The following KPNA1 variants were observed in gnomAD, a reference collection of about 807,000 sequenced individuals.
The protein encoded by KPNA1 is importin subunit alpha-5.
In KPNA1, 10 loss-of-function variants were observed where a neutral mutation model predicts 70.5. The ratio of observed to expected loss-of-function variants is 0.14; its 90% CI spans 0.09 to 0.24. The LOEUF is 0.24. Among genes scored for constraint, KPNA1 ranks in the 10% least tolerant of loss-of-function variants. The pLI is 1.00. For missense variants in KPNA1, 397 were observed against 637.9 expected, an observed-to-expected ratio of 0.62 and a Z score of 4.07; for synonymous variants, 192 against 221.9, an observed-to-expected ratio of 0.87 and a Z score of 1.20.
intron 5 of KPNA1, chr3:122,460,281 ATAG>A (rs2076309315): frequency 9.1e-6 from 9 of 984,708 alleles, no homozygotes; most frequent in South Asian, 4.7e-5. Flanking sequence ...GGGAAAAAAA[ATAG>A]TAGTTTAGAA....
intron 9 of KPNA1, among the ~76,000 whole-genome samples, chr3:122,448,173 T>C (rs906375475): frequency 6.6e-6 from 1 of 152,192 alleles, no homozygotes; most frequent in Non-Finnish European, 1.5e-5. Context: ...AGTTCAACCA[T>C]TGTGGAAGAC....
chr3:122,452,500 CGGAAGGAGGGAAGGAG>C (rs1165575071), intron 6 of KPNA1, among the ~76,000 whole-genome samples: 34 of 86,238 alleles, frequency 3.9e-4, no homozygotes, highest in South Asian at 9.3e-4. Context: ...CAGGGACAGA[CGGAAGGAGGGAAGGAG>C]GGAAGGAGGG....
intron 2 of KPNA1, 80 bp from the exon 3 acceptor site, chr3:122,467,509 A>G (rs2076394867): frequency 4.0e-6 from 3 of 745,138 alleles, no homozygotes; most frequent in Non-Finnish European, 6.6e-6. Context: ...TAGGCACCCC[A>G]TTCAAAGTGA....
chr3:122,430,719 G>C (rs2075893502), intron 12 of KPNA1, among the ~76,000 whole-genome samples: 1 of 152,152 alleles, frequency 6.6e-6, no homozygotes. Flanking sequence ...TAACAGAATA[G>C]CAAAGGCAAT....
chr3:122,452,149 G>T, intron 6 of KPNA1, 85 bp from the exon 7 acceptor site: 1 of 843,576 alleles, frequency 1.2e-6, no homozygotes, highest in South Asian at 1.4e-5. Flanking sequence ...ACAATAACAC[G>T]TTCATCAGGG....
intron 2 of KPNA1, among the ~76,000 whole-genome samples, chr3:122,487,822 G>C (rs1300143867): frequency 6.6e-6 from 1 of 152,150 alleles, no homozygotes; most frequent in Non-Finnish European, 1.5e-5. Flanking sequence ...AAAAGTTCTA[G>C]ATATATGTTA....
intron 11 of KPNA1, among the ~76,000 whole-genome samples, chr3:122,434,386 T>G (rs573841917): frequency 6.6e-6 from 1 of 152,354 alleles, no homozygotes; most frequent in Non-Finnish European, 1.5e-5. Flanking sequence ...GAGCTCAATT[T>G]TCTGCTCCTC....
chr3:122,461,894 A>G (rs1344622600), intron 4 of KPNA1, among the ~76,000 whole-genome samples: 1 of 152,240 alleles, frequency 6.6e-6, no homozygotes, highest in East Asian at 1.9e-4. Context: ...GGGAAATGTC[A>G]TAGACAATCA....
At chr3:122,460,969 T>C (rs1209162150) in intron 5 of KPNA1, among the ~76,000 whole-genome samples, 1 of 152,154 alleles carries the variant, frequency 6.6e-6, no homozygotes, top group Non-Finnish European at 1.5e-5. Flanking sequence ...GCTGTAAACA[T>C]TTCCCTATTA....
chr3:122,479,716 T>A (rs922263909), intron 2 of KPNA1, among the ~76,000 whole-genome samples: 1 of 152,108 alleles, frequency 6.6e-6, no homozygotes, highest in African/African-American at 2.4e-5. Context: ...ACCGAAATCA[T>A]GCCACTGCAC....
intron 1 of KPNA1, among the ~76,000 whole-genome samples, chr3:122,498,618 C>G (rs1030342413): frequency 1.3e-5 from 2 of 152,130 alleles, no homozygotes; most frequent in African/African-American, 4.8e-5. Context: ...ATATGTGTAT[C>G]CCTGTGTCAG....
intron 2 of KPNA1, among the ~76,000 whole-genome samples, chr3:122,470,180 A>G (rs1265586840): frequency 1.3e-5 from 2 of 152,210 alleles, no homozygotes; most frequent in Admixed American, 6.5e-5. Context: ...TATGTAAGCT[A>G]ATGTGTATAT....
rs529315953 is a variant in KPNA1 at position 122,428,228 on chromosome 3, C to T, written c.1251-512G>A. ...CTTTAATTCAAGCAGAATGTATAACCGTATGTAATCAAGATTAATCATACT... is the reference window on the plus strand; with the variant it reads ...CTTTAATTCAAGCAGAATGTATAACTGTATGTAATCAAGATTAATCATACT... On this transcript the variant is annotated intron_variant, in intron 12 of 13. Coordinates refer to ENST00000344337, the MANE Select transcript of KPNA1 (RefSeq NM_002264.4). Among the ~76,000 whole-genome samples the T allele has an allele frequency of 6.3e-4, 96 of 152,156 alleles. 1 individual carries two copies. In the South Asian group the frequency reaches 0.019, roughly 31 times the overall value.
At chr3:122,465,323 T>C (rs2076368470) in intron 3 of KPNA1, among the ~76,000 whole-genome samples, 1 of 152,210 alleles carries the variant, frequency 6.6e-6, no homozygotes, top group South Asian at 2.1e-4. Flanking sequence ...CTACCAAACT[T>C]CATTGCCTAG....
rs1576316173 is a variant in KPNA1 at position 122,468,838 on chromosome 3, C to T, written c.130-1409G>A. On this transcript the variant is annotated intron_variant, in intron 2 of 13. Transcript: ENST00000344337. ...TGCCTTTGATCGACTTTTTAGTAAA[C>T]AAGACACAGCTAAGGAAATAATCTC... Among the ~76,000 whole-genome samples, 4 of 152,136 alleles carry T rather than the reference C, an allele frequency of 2.6e-5. No homozygotes were observed. In the South Asian group the frequency reaches 8.3e-4, roughly 32 times the overall value.
intron 2 of KPNA1, among the ~76,000 whole-genome samples, chr3:122,495,040 A>C (rs2076741612): frequency 6.6e-6 from 1 of 152,128 alleles, no homozygotes; most frequent in South Asian, 2.1e-4. Context: ...TCACGAGGAC[A>C]AGAGATCAAG....
intron 2 of KPNA1, among the ~76,000 whole-genome samples, chr3:122,473,423 A>G (rs1254311607): frequency 2.6e-5 from 4 of 152,252 alleles, no homozygotes; most frequent in Admixed American, 2.6e-4. Context: ...TATACATTAT[A>G]ACAAAACTAC....
intron 4 of KPNA1, among the ~76,000 whole-genome samples, chr3:122,463,218 A>G (rs1056584974): frequency 6.6e-6 from 1 of 151,904 alleles, no homozygotes; most frequent in African/African-American, 2.4e-5. Context: ...CACGGTGGCG[A>G]GCGCCTGTAG....
chr3:122,458,750 A>G (rs901452632), intron 5 of KPNA1, among the ~76,000 whole-genome samples: 3 of 152,200 alleles, frequency 2.0e-5, no homozygotes, highest in African/African-American at 4.8e-5. Context: ...TTCCCAGAGC[A>G]TGTCTAATTA....
Sources: gnomAD v4.1 joint callset for allele counts (sites outside exome capture counted in the v4.1 genomes callset) on GRCh38, gnomAD v4.1.1 for gene constraint, MANE v1.5 for transcripts, NCBI Gene and HGNC (gene_info 2026-07-23, HGNC 2026-07-21) for gene names.